Variants in STX12 observed in about 807,000 individuals in gnomAD.
STX12 encodes syntaxin 12.
A neutral mutation model predicts 42.2 loss-of-function variants in STX12; 17 were observed. That is an observed-to-expected ratio of 0.40 (90% CI 0.28 to 0.60). STX12 has a LOEUF of 0.60. Among genes scored for constraint, STX12 ranks in the 20% least tolerant of loss-of-function variants. The pLI is 0.39. For synonymous variants in STX12, 108 were observed against 116.7 expected, an observed-to-expected ratio of 0.93 and a Z score of 0.48; for missense variants, 297 against 330.9, an observed-to-expected ratio of 0.90 and a Z score of 0.79.
chr1:27,818,158 A>G, intron 7 of STX12: 1 of 429,494 alleles, frequency 2.3e-6, no homozygotes, highest in East Asian at 4.4e-5. Flanking sequence ...CCAAGCGGGC[A>G]GATCATGAGG....
intron 2 of STX12, among the ~76,000 whole-genome samples, chr1:27,790,486 C>T (rs890523144): frequency 6.6e-6 from 1 of 152,200 alleles, no homozygotes; most frequent in African/African-American, 2.4e-5. Flanking sequence ...CCACAGATTG[C>T]TGATTGGTGC....
At chr1:27,802,457 C>T (rs1051066493) in intron 4 of STX12, among the ~76,000 whole-genome samples, 1 of 152,174 alleles carries the variant, frequency 6.6e-6, no homozygotes, top group African/African-American at 2.4e-5. Flanking sequence ...TTCTATCCCC[C>T]GGCAGATTAC....
chr1:27,797,303 T>G (rs1373161098), intron 3 of STX12, among the ~76,000 whole-genome samples: 2 of 152,190 alleles, frequency 1.3e-5, no homozygotes, highest in African/African-American at 4.8e-5. Context: ...GTGATCCGCC[T>G]GCCTCGGCCT....
intron 4 of STX12, 183 bp from the exon 5 acceptor site, chr1:27,810,063 T>A: frequency 3.7e-6 from 2 of 535,894 alleles, no homozygotes; most frequent in Non-Finnish European, 6.6e-6. Context: ...GAATGCAGAT[T>A]TTCTTCAACC....
intron 4 of STX12, among the ~76,000 whole-genome samples, chr1:27,807,354 C>T (rs188060356): frequency 6.6e-6 from 1 of 152,228 alleles, no homozygotes; most frequent in African/African-American, 2.4e-5. Context: ...CGCCACCAGT[C>T]CCCCACCATT....
chr1:27,797,873 TAAAC>T (rs1440969439), intron 3 of STX12, among the ~76,000 whole-genome samples: 1 of 127,060 alleles, frequency 7.9e-6, no homozygotes, highest in Non-Finnish European at 1.5e-5. Flanking sequence ...ATTCTGAAGG[TAAAC>T]ACACACACAC....
intron 7 of STX12, 159 bp downstream of exon 7, chr1:27,818,082 A>G: frequency 1.6e-6 from 1 of 614,556 alleles, no homozygotes; most frequent in Non-Finnish European, 2.8e-6. Flanking sequence ...AAAAGAAAGA[A>G]AGAAAGAAAA....
chr1:27,782,317 C>G (rs935755756), intron 1 of STX12, among the ~76,000 whole-genome samples: 1 of 152,068 alleles, frequency 6.6e-6, no homozygotes, highest in Non-Finnish European at 1.5e-5. Flanking sequence ...AGGCTGGTGT[C>G]AAACTCCTGG....
intron 6 of STX12, among the ~76,000 whole-genome samples, chr1:27,813,534 C>A (rs549265524): frequency 4.1e-4 from 63 of 152,242 alleles, no homozygotes; most frequent in Admixed American, 9.8e-4. Context: ...TAGAAGGCTG[C>A]CATTGCTGGG....
chr1:27,779,294 C>G (rs1425094837), intron 1 of STX12, among the ~76,000 whole-genome samples: 1 of 151,512 alleles, frequency 6.6e-6, no homozygotes, highest in African/African-American at 2.4e-5. Flanking sequence ...TAAAGTGGCT[C>G]TCTGTTGTCT....
chr1:27,804,943 C>CTGTA (rs2088853206), intron 4 of STX12, among the ~76,000 whole-genome samples: 1 of 152,100 alleles, frequency 6.6e-6, no homozygotes, highest in Non-Finnish European at 1.5e-5. Context: ...CCTCAGGAAA[C>CTGTA]TTACAGTCAT....
At chr1:27,773,790 C>T (rs1198621909) in intron 1 of STX12, 3 of 235,766 alleles carry the variant, frequency 1.3e-5, no homozygotes, top group Non-Finnish European at 2.6e-5. Flanking sequence ...CACCTTCCTC[C>T]CCACCCACCT....
At chr1:27,777,710 C>G (rs944238939) in intron 1 of STX12, among the ~76,000 whole-genome samples, 1 of 151,950 alleles carries the variant, frequency 6.6e-6, no homozygotes, top group Non-Finnish European at 1.5e-5. Flanking sequence ...TATGGTGAAA[C>G]CCTGTCTTTA....
chr1:27,820,742 T>C (rs2088978293), intron 8 of STX12, among the ~76,000 whole-genome samples: 2 of 151,912 alleles, frequency 1.3e-5, no homozygotes, highest in African/African-American at 4.8e-5. Context: ...TATTGCGGCA[T>C]TATTCACAAT....
intron 2 of STX12, among the ~76,000 whole-genome samples, chr1:27,790,898 A>G (rs1023150177): frequency 6.6e-6 from 1 of 151,916 alleles, no homozygotes; most frequent in African/African-American, 2.4e-5. Context: ...CCAAGATCGC[A>G]CCATTGCACT....
In STX12 at chr1:27,799,477, G is replaced by GTTTTTTTTTTTTTTTTT; in HGVS notation, c.289-2190_289-2189insTTTTTTTTTTTTTTTTT. ...GGTTGAACCCCAAACTCATTAGCTT[G>GTTTTTTTTTTTTTTTTT]TTTTTTTTTTTGTTTTTTTTTTTGA... On this transcript the variant is annotated intron_variant, in intron 3 of 8. Coordinates refer to ENST00000373943, the MANE Select transcript of STX12 (RefSeq NM_177424.3). Among the ~76,000 whole-genome samples the GTTTTTTTTTTTTTTTTT allele has an allele frequency of 3.1e-3, 409 of 130,658 alleles. 66 individuals carry two copies. The highest frequency in any genetic ancestry group is 0.012 in the African/African-American group (385 of 31,196). The allele number at this position is 130,658 out of a possible 152,430, so 85.7% of individuals were successfully genotyped here.
At chr1:27,793,778 G>C in intron 3 of STX12, 146 bp downstream of exon 3, 1 of 612,042 alleles carries the variant, frequency 1.6e-6, no homozygotes, top group Non-Finnish European at 2.9e-6. Context: ...CATCAAGTGG[G>C]GGATATGTGA....
chr1:27,808,458 T>C (rs1046735632), intron 4 of STX12, among the ~76,000 whole-genome samples: 4 of 151,772 alleles, frequency 2.6e-5, no homozygotes, highest in African/African-American at 9.7e-5. Flanking sequence ...TCTCCTGCCT[T>C]AGCCTCTCGA....
intron 1 of STX12, among the ~76,000 whole-genome samples, chr1:27,777,829 G>A (rs2088637199): frequency 6.6e-6 from 1 of 152,126 alleles, no homozygotes; most frequent in African/African-American, 2.4e-5. Flanking sequence ...GGAGGTTGCG[G>A]TGAGCCGAGA....
Sources: allele counts gnomAD v4.1 joint callset (sites outside exome capture counted in the v4.1 genomes callset), GRCh38; gene constraint gnomAD v4.1.1; transcripts MANE v1.5; gene names NCBI Gene and HGNC (gene_info 2026-07-23, HGNC 2026-07-21).